IL6R: variants seen among roughly 807,000 people sequenced by gnomAD.
IL6R encodes the protein interleukin-6 receptor subunit alpha.
In IL6R, 38 loss-of-function variants were observed where a neutral mutation model predicts 48.3. The observed-to-expected ratio is 0.79, with a 90% CI of 0.61 to 1.03. The LOEUF (loss-of-function observed/expected upper bound fraction) is 1.03. Ranked by LOEUF, IL6R falls within the 50% of genes least tolerant of loss-of-function variation. IL6R has a pLI of 0.00. For missense variants in IL6R, 534 were observed against 618.3 expected (o/e 0.86, Z 1.45); for synonymous variants, 264 against 256.2 (o/e 1.03, Z -0.29).
chr1:154,438,328 G>A (rs192207701), intron 6 of IL6R, among the ~76,000 whole-genome samples: 1 of 151,970 alleles, frequency 6.6e-6, no homozygotes, highest in Admixed American at 6.6e-5. Flanking sequence ...CCAGAGAGTG[G>A]TCAGCCAGCC....
intron 9 of IL6R, among the ~76,000 whole-genome samples, chr1:154,464,729 C>G (rs981752020): frequency 6.6e-6 from 1 of 151,894 alleles, no homozygotes; most frequent in Non-Finnish European, 1.5e-5. Flanking sequence ...GAGGCCGAGG[C>G]GGGCGGATTG....
At chr1:154,424,489 T>C (rs1688860886) in intron 1 of IL6R, among the ~76,000 whole-genome samples, 1 of 152,238 alleles carries the variant, frequency 6.6e-6, no homozygotes, top group African/African-American at 2.4e-5. Context: ...GGAAGGGATA[T>C]TGCAAGCATT....
In IL6R at chr1:154,405,474, T is replaced by C; in HGVS notation, c.-156T>C. 1 of 638,614 alleles carries C rather than the reference T, an allele frequency of 1.6e-6. No homozygotes were observed. The highest frequency in any genetic ancestry group is 2.5e-6 in the Non-Finnish European group (1 of 393,300). 39.6% of individuals were successfully genotyped at this position (638,614 alleles called of 1,614,324 possible). A position where few individuals can be genotyped will look rare whatever the true frequency, so the allele number is the denominator to read the frequency against. On this transcript the variant is annotated 5_prime_UTR_variant, in exon 1 of 10. Coordinates refer to ENST00000368485, the MANE Select transcript of IL6R (RefSeq NM_000565.4). This position sits in a 1 kb window ranked among gnomAD's most constrained non-coding sequence, Gnocchi z 5.2. Reference sequence around the variant, plus strand: ...GCGGGGCCGAGGGACTCGCAGTGTGTGTAGAGAGCCGGGCTCCTGCGGATG... The same window carrying C: ...GCGGGGCCGAGGGACTCGCAGTGTGCGTAGAGAGCCGGGCTCCTGCGGATG...
chr1:154,467,033 C>G lies in IL6R; in HGVS notation c.*1653C>G, dbSNP rs570113126. On this transcript the variant is annotated 3_prime_UTR_variant, in exon 10 of 10. Coordinates refer to ENST00000368485, the MANE Select transcript of IL6R (RefSeq NM_000565.4). ...ATGGAGAGGGTGTCCGGTCCCTGTC[C>G]CAGTGCCGAGAAGGAAGCCTCCCAC... is the stretch of plus-strand genomic sequence containing the variant. The G allele has an allele frequency of 7.2e-5, 11 of 152,458 alleles. No individual in the cohort carries two copies. Among genetic ancestry groups the G allele is most frequent in the African/African-American group, 2.7e-4 (11 of 41,506 alleles). The allele number at this position is 152,458 out of a possible 1,614,324, so 9.4% of individuals were successfully genotyped here.
At chr1:154,457,570 C>A (rs892147898) in intron 9 of IL6R, among the ~76,000 whole-genome samples, 1 of 152,172 alleles carries the variant, frequency 6.6e-6, no homozygotes, top group African/African-American at 2.4e-5. Context: ...TCATCCCAAT[C>A]ATCTTCGCTC....
intron 3 of IL6R, among the ~76,000 whole-genome samples, chr1:154,434,187 G>T (rs1689473514): frequency 6.6e-6 from 1 of 151,844 alleles, no homozygotes; most frequent in African/African-American, 2.4e-5. Flanking sequence ...ACAAAAATTT[G>T]CTGGGCACGC....
chr1:154,436,117 C>A lies in IL6R; in HGVS notation c.949+7C>A. 1 of 1,592,710 alleles carries A rather than the reference C, an allele frequency of 6.3e-7. No homozygotes were observed. The highest frequency in any genetic ancestry group is 8.6e-7 in the Non-Finnish European group (1 of 1,164,804). ...ATGGGCACGCCTTGGACAGGTACTG[C>A]GGTGGGCACTGAGAAAGGAAGGGAT... On this transcript the variant is annotated splice_region_variant and intron_variant, in intron 6 of 9. Transcript: ENST00000368485.
chr1:154,410,436 AGAG>A (rs1687956501), intron 1 of IL6R, among the ~76,000 whole-genome samples: 13 of 152,072 alleles, frequency 8.5e-5, no homozygotes, highest in Admixed American at 8.5e-4. Flanking sequence ...TATTTCTTGT[AGAG>A]ACAGGATTTC....
chr1:154,445,295 C>G (rs1176917270), intron 6 of IL6R, among the ~76,000 whole-genome samples: 3 of 152,192 alleles, frequency 2.0e-5, no homozygotes, highest in Non-Finnish European at 2.9e-5. Context: ...TCCCCTCTTC[C>G]TGTGGCTTTG....
intron 9 of IL6R, among the ~76,000 whole-genome samples, chr1:154,460,281 A>G (rs1274936021): frequency 6.6e-6 from 1 of 152,126 alleles, no homozygotes; most frequent in Non-Finnish European, 1.5e-5. Context: ...CCCTGCTCAC[A>G]CCCATCCAGG....
At chr1:154,424,622 T>C (rs767683178) in intron 1 of IL6R, among the ~76,000 whole-genome samples, 8 of 152,074 alleles carry the variant, frequency 5.3e-5, no homozygotes, top group African/African-American at 1.9e-4. Flanking sequence ...CAGTGGAAAA[T>C]GGAAAAGTGG....
rs1691497554 is a variant in IL6R at position 154,465,246 on chromosome 1, G to T, written c.1273G>T (p.Val425Phe). The T allele has an allele frequency of 1.2e-6, 2 of 1,614,082 alleles. No homozygotes were observed. Among genetic ancestry groups the T allele is most frequent in the Non-Finnish European group, 1.7e-6 (2 of 1,180,046 alleles). The change falls in exon 10 of 10, where the codon GTT (valine) becomes TTT (phenylalanine). Residue 425 changes from valine to phenylalanine, a missense_variant. By Grantham distance (50) the Val-to-Phe change is conservative (BLOSUM62 -1). Coordinates refer to ENST00000368485, the MANE Select transcript of IL6R (RefSeq NM_000565.4). Reference protein sequence around the residue: ...PERPRPTPVLVPLISPPVSPS... With the variant: ...PERPRPTPVLFPLISPPVSPS... ...GAGGCCTCGACCCACCCCAGTGCTT[G>T]TTCCTCTCATCTCCCCACCGGTGTC...
intron 9 of IL6R, among the ~76,000 whole-genome samples, chr1:154,463,952 C>T (rs185412731): frequency 1.3e-5 from 2 of 152,010 alleles, no homozygotes; most frequent in Admixed American, 6.6e-5. Flanking sequence ...GGGAGTGGAC[C>T]GAGAGGCGTA....
intron 1 of IL6R, among the ~76,000 whole-genome samples, chr1:154,422,750 G>A (rs566655868): frequency 5.3e-5 from 8 of 152,328 alleles, no homozygotes; most frequent in African/African-American, 1.7e-4. Flanking sequence ...CGCGTGCCCC[G>A]TCTCCTAGGG....
chr1:154,446,634 G>A (rs191260520), intron 6 of IL6R, among the ~76,000 whole-genome samples: 5 of 152,268 alleles, frequency 3.3e-5, no homozygotes, highest in South Asian at 2.1e-4. Context: ...TGGGGTTTCC[G>A]CAGAAACACT....
At chr1:154,430,657 G>A (rs1689243374) in intron 3 of IL6R, 51 bp downstream of exon 3, 1 of 1,611,888 alleles carries the variant, frequency 6.2e-7, no homozygotes, top group African/African-American at 1.3e-5. Flanking sequence ...CCTTCCCGAG[G>A]CCCCCCAGAG....
intron 9 of IL6R, among the ~76,000 whole-genome samples, chr1:154,461,595 A>G (rs1465300004): frequency 6.6e-6 from 1 of 152,228 alleles, no homozygotes; most frequent in African/African-American, 2.4e-5. Context: ...GTAATATTAA[A>G]AGCTAATGAT....
At chr1:154,422,652 T>C (rs1263371438) in intron 1 of IL6R, among the ~76,000 whole-genome samples, 1 of 152,236 alleles carries the variant, frequency 6.6e-6, no homozygotes, top group African/African-American at 2.4e-5. Context: ...TGGCTCTGAA[T>C]GCTGAGCAAT....
intron 6 of IL6R, chr1:154,437,414 T>TA (rs1268120332): frequency 2.5e-5 from 9 of 363,224 alleles, no homozygotes; most frequent in East Asian, 1.6e-4. Context: ...TTTTTTAACT[T>TA]AAATTTTTTT....
Sources: allele counts gnomAD v4.1 joint callset (sites outside exome capture counted in the v4.1 genomes callset), GRCh38; gene constraint gnomAD v4.1.1; non-coding constraint Gnocchi (gnomAD v3.1); transcripts MANE v1.5; gene names NCBI Gene and HGNC (gene_info 2026-07-23, HGNC 2026-07-21).